The following GRK7 variants were observed in gnomAD, a reference collection of about 807,000 sequenced individuals.
GRK7 encodes G protein-coupled receptor kinase 7.
In GRK7, 24 loss-of-function variants were observed where a neutral mutation model predicts 34.1. The observed-to-expected ratio is 0.70, with a 90% confidence interval of 0.51 to 0.99. The LOEUF (loss-of-function observed/expected upper bound fraction) is 0.99, where lower values mean the gene tolerates loss of function less well. GRK7 is among the 50% of genes least tolerant of loss of function. GRK7 has a pLI of 0.00. For missense variants in GRK7, 644 were observed against 707.3 expected, an observed-to-expected ratio of 0.91 and a Z score of 1.02; for synonymous variants, 256 against 279.4, an observed-to-expected ratio of 0.92 and a Z score of 0.84.
intron 1 of GRK7, among the ~76,000 whole-genome samples, chr3:141,768,488 C>T (rs1344602035): frequency 6.6e-6 from 1 of 152,082 alleles, no homozygotes; most frequent in Non-Finnish European, 1.5e-5. Context: ...CCATGTTGGC[C>T]GGGCTGGTCT....
chr3:141,790,243 A>G (rs1275737593), intron 4 of GRK7, among the ~76,000 whole-genome samples: 2 of 152,154 alleles, frequency 1.3e-5, no homozygotes, highest in Non-Finnish European at 2.9e-5. Context: ...CATGATCTGC[A>G]TGCCTCGGCC....
Position 141,816,823 on chromosome 3 carries a change from T to TA in GRK7, c.1436dup (p.Tyr479Ter), listed in dbSNP as rs1711159372. The TA allele has an allele frequency of 6.2e-7, 1 of 1,613,572 alleles. No individual in the cohort carries two copies. The highest frequency in any genetic ancestry group is 1.7e-5 in the Admixed American group (1 of 59,976). The change falls in exon 6 of 6, where the codon TAT becomes TAAT. Residue 479 changes from tyrosine (Y) to a stop codon, truncating the protein, a stop_gained and frameshift_variant. Coordinates refer to ENST00000682958, the MANE Select transcript of GRK7 (RefSeq NM_139209.3). LOFTEE classifies it low-confidence loss of function (END_TRUNC). ...ATTTGTGCCAGACCCTTCAGTGGTT[T>TA]ATGCCAAAGACATCGCTGAAATTGA... is the stretch of plus-strand genomic sequence containing the variant. ...PPFVPDPSVV[Y>*]AKDIAEIDDF...
chr3:141,789,671 C>G (rs11924992), intron 4 of GRK7, among the ~76,000 whole-genome samples: 1 of 107,594 alleles, frequency 9.3e-6, no homozygotes, highest in Non-Finnish European at 1.9e-5. Context: ...AAAAAAAAAA[C>G]ACAAAACAGT....
intron 4 of GRK7, among the ~76,000 whole-genome samples, chr3:141,785,463 A>AT (rs2084691655): frequency 6.6e-6 from 1 of 152,084 alleles, no homozygotes; most frequent in African/African-American, 2.4e-5. Flanking sequence ...TCTTAAAAAA[A>AT]ATTTTTTTGT....
chr3:141,774,780 ATTATTATTATTATT>A (rs1427323495), intron 2 of GRK7, among the ~76,000 whole-genome samples, 100 bp downstream of exon 2: 3 of 1,918 alleles, frequency 1.6e-3, no homozygotes, highest in Non-Finnish European at 2.2e-3. Flanking sequence ...CACCAGTCAG[ATTATTATTATTATT>A]ATTATTATTA....
intron 4 of GRK7, among the ~76,000 whole-genome samples, chr3:141,792,465 TA>T (rs1156715278): frequency 6.6e-6 from 1 of 150,984 alleles, no homozygotes; most frequent in African/African-American, 2.4e-5. Context: ...TCACTTATGA[TA>T]AATGCTGGGA....
rs1014861783 is a variant in GRK7 at position 141,764,184 on chromosome 3, C to T, written c.-1769C>T. Among the ~76,000 whole-genome samples the T allele has an allele frequency of 2.0e-5, 3 of 152,156 alleles. No individual in the cohort carries two copies. The highest frequency in any genetic ancestry group is 4.4e-5 in the Non-Finnish European group (3 of 68,032). ...CAATACCCACATGGCTGATGCTTCT[C>T]ATACCCTGGCCTCTCCATCCCCTGA... is the stretch of plus-strand genomic sequence containing the variant. On this transcript the variant is annotated 5_prime_UTR_variant, in exon 1 of 6. Transcript: ENST00000682958.
intron 4 of GRK7, among the ~76,000 whole-genome samples, chr3:141,788,882 G>A (rs1344536502): frequency 2.6e-5 from 4 of 152,186 alleles, no homozygotes; most frequent in Non-Finnish European, 4.4e-5. Flanking sequence ...CGCCCAGGCT[G>A]GAGTGCAGTG....
chr3:141,796,984 G>A (rs1370780202), intron 4 of GRK7, among the ~76,000 whole-genome samples: 1 of 152,186 alleles, frequency 6.6e-6, no homozygotes, highest in Non-Finnish European at 1.5e-5. Flanking sequence ...AGTCCCATAA[G>A]GCAAGAACTG....
At chr3:141,751,028 A>G in the GRK7 span, among the ~76,000 whole-genome samples, 1 of 152,194 alleles carries the variant, frequency 6.6e-6, no homozygotes, top group African/African-American at 2.4e-5. Context: ...AGGCTGGGCA[A>G]CACAGCGAGA....
In GRK7 at chr3:141,814,777, T is replaced by C. The variant is rs187214803; in HGVS notation, c.1326-1937T>C. Among the ~76,000 whole-genome samples, 227 of 152,304 alleles carry C rather than the reference T, an allele frequency of 1.5e-3. 1 individual carries two copies. The highest frequency in any genetic ancestry group is 5.1e-3 in the African/African-American group (210 of 41,574). The stretch of plus-strand genomic sequence containing the variant: ...CTGGGTCAAATGGTAGTTATATTTT[T>C]AGTTCTTCGAGAACTCTCCAAACTG... On this transcript the variant is annotated intron_variant, in intron 5 of 5. Coordinates refer to ENST00000682958, the MANE Select transcript of GRK7 (RefSeq NM_139209.3).
intron 4 of GRK7, among the ~76,000 whole-genome samples, chr3:141,789,293 G>T (rs1208444495): frequency 6.6e-6 from 1 of 152,020 alleles, no homozygotes; most frequent in Admixed American, 6.6e-5. Flanking sequence ...AGTGTCCCTG[G>T]GAGTCTCTGT....
At chr3:141,767,590 G>A (rs949822032) in intron 1 of GRK7, among the ~76,000 whole-genome samples, 9 of 151,846 alleles carry the variant, frequency 5.9e-5, no homozygotes, top group African/African-American at 1.7e-4. Context: ...TAGTAGAGAC[G>A]GGGTTTTGCT....
At chr3:141,801,783 A>G (rs1710971418) in intron 4 of GRK7, among the ~76,000 whole-genome samples, 1 of 152,224 alleles carries the variant, frequency 6.6e-6, no homozygotes, top group Admixed American at 6.5e-5. Flanking sequence ...AGGGACATAG[A>G]TGAGACAATA....
chr3:141,790,650 G>A (rs1046078221), intron 4 of GRK7, among the ~76,000 whole-genome samples: 1 of 150,614 alleles, frequency 6.6e-6, no homozygotes, highest in African/African-American at 2.4e-5. Context: ...TGCGACCTCT[G>A]CCTCCAGGGT....
chr3:141,778,639 C>A lies in GRK7; in HGVS notation c.355C>A (p.Pro119Thr). ...GGCCACTTGTGCGAGTGCCCCTGCC[C>A]CGGGGAACCCGCAACCCTTCCTCAG... ...LVATCASAPA[P>T]GNPQPFLSQA... Residue 119 changes from proline to threonine, a missense_variant, in exon 3 of 6, where the codon CCG becomes ACG. Physicochemically the swap from Pro to Thr is conservative, Grantham distance 38. Transcript: ENST00000682958. This position sits in a 1 kb window ranked among gnomAD's most constrained non-coding sequence, Gnocchi z 4.1. 1 of 1,612,908 alleles carries A rather than the reference C, an allele frequency of 6.2e-7. No individual in the cohort carries two copies. The highest frequency in any genetic ancestry group is 8.5e-7 in the Non-Finnish European group (1 of 1,179,600).
In GRK7 at chr3:141,804,794, CA is replaced by C. The variant is rs538399066; in HGVS notation, c.1051-2850del. Among the ~76,000 whole-genome samples, 385 of 150,684 alleles carry C rather than the reference CA, an allele frequency of 2.6e-3. 13 individuals are homozygous for C. Among genetic ancestry groups the C allele is most frequent in the Admixed American group, 0.023 (352 of 15,222 alleles). On this transcript the variant is annotated intron_variant, in intron 4 of 5. Transcript: ENST00000682958. ...ATACACACATGCTCACATACACGCA[CA>C]CATACACACATGCACATACAAACAT...
At chr3:141,793,232 G>A (rs1453048673) in intron 4 of GRK7, among the ~76,000 whole-genome samples, 1 of 152,206 alleles carries the variant, frequency 6.6e-6, no homozygotes, top group Non-Finnish European at 1.5e-5. Flanking sequence ...ATTTACAGCT[G>A]GTGGGTCAGA....
intron 2 of GRK7, among the ~76,000 whole-genome samples, chr3:141,777,491 A>ATCTTTTTTT (rs1553735131): frequency 3.7e-5 from 3 of 80,594 alleles, no homozygotes; most frequent in African/African-American, 1.8e-4. Flanking sequence ...AGCCCGGCTA[A>ATCTTTTTTT]TTTTTTTTTT....
Sources: gnomAD v4.1 joint callset for allele counts (sites outside exome capture counted in the v4.1 genomes callset) on GRCh38, gnomAD v4.1.1 for gene constraint, Gnocchi (gnomAD v3.1) non-coding constraint, MANE v1.5 for transcripts, NCBI Gene and HGNC (gene_info 2026-07-23, HGNC 2026-07-21) for gene names.